The following STAG1 variants were observed in gnomAD, a reference collection of about 807,000 sequenced individuals.
STAG1 encodes the protein cohesin subunit SA-1.
Under a neutral mutation model 170.9 loss-of-function variants are expected in STAG1, and 26 were observed. The observed-to-expected ratio is 0.15, with a 90% CI of 0.11 to 0.21. The LOEUF (loss-of-function observed/expected upper bound fraction) is 0.21. Ranked by LOEUF, STAG1 falls within the 10% of genes least tolerant of loss-of-function variation. STAG1 has a pLI of 1.00. For synonymous variants in STAG1, 514 were observed against 497.7 expected (o/e 1.03, Z -0.44); for missense variants, 964 against 1,509.5 (o/e 0.64, Z 5.99).
chr3:136,476,947 A>C (rs1394093), intron 10 of STAG1, among the ~76,000 whole-genome samples: 1 of 151,950 alleles, frequency 6.6e-6, no homozygotes, highest in Non-Finnish European at 1.5e-5. Flanking sequence ...ATTTTTTTTA[A>C]AAAAAAGCTT....
At chr3:136,748,131 C>T (rs1273108173) in intron 1 of STAG1, among the ~76,000 whole-genome samples, 1 of 150,788 alleles carries the variant, frequency 6.6e-6, no homozygotes, top group African/African-American at 2.4e-5. Context: ...GTGGCTCATG[C>T]CTGTAATCCC....
chr3:136,634,339 C>CA (rs1272940073), intron 1 of STAG1, among the ~76,000 whole-genome samples: 1 of 151,446 alleles, frequency 6.6e-6, no homozygotes, highest in Non-Finnish European at 1.5e-5. Flanking sequence ...CCTGGGGTGA[C>CA]AGAGACCCTG....
At chr3:136,479,058 T>A (rs1224129652) in intron 9 of STAG1, among the ~76,000 whole-genome samples, 1 of 80,338 alleles carries the variant, frequency 1.2e-5, no homozygotes, top group Non-Finnish European at 2.3e-5. Context: ...ATTATAATCT[T>A]TCTTTTTTTT....
At chr3:136,646,611 G>A (rs1284130783) in intron 1 of STAG1, among the ~76,000 whole-genome samples, 5 of 152,102 alleles carry the variant, frequency 3.3e-5, no homozygotes, top group African/African-American at 1.2e-4. Flanking sequence ...AGCACTATAA[G>A]ATGACAGTAG....
chr3:136,396,735 C>A (rs1006208635), intron 22 of STAG1, among the ~76,000 whole-genome samples: 2 of 151,078 alleles, frequency 1.3e-5, no homozygotes, highest in African/African-American at 4.9e-5. Context: ...ACCATATTGG[C>A]CAGGCTGGTC....
intron 23 of STAG1, among the ~76,000 whole-genome samples, chr3:136,377,439 C>T (rs1376361398): frequency 1.5e-5 from 2 of 136,022 alleles, no homozygotes; most frequent in African/African-American, 5.5e-5. Flanking sequence ...CAGCTGATGA[C>T]AGTATACTTG....
chr3:136,473,960 G>T (rs552654982), intron 10 of STAG1, among the ~76,000 whole-genome samples: 31 of 152,290 alleles, frequency 2.0e-4, no homozygotes, highest in African/African-American at 7.0e-4. Context: ...GGAAAAGTAT[G>T]TTTATTTGTC....
At chr3:136,473,098 C>T (rs1203272547) in intron 11 of STAG1, among the ~76,000 whole-genome samples, 1 of 152,072 alleles carries the variant, frequency 6.6e-6, no homozygotes, top group Non-Finnish European at 1.5e-5. Flanking sequence ...AACATGAACC[C>T]TACTGTGAAC....
At position 136,521,327 on chromosome 3, in the gene STAG1, G is replaced by A; in HGVS notation, c.562C>T (p.Gln188Ter). 1 of 1,613,774 alleles carries A rather than the reference G, an allele frequency of 6.2e-7. No individual in the cohort carries two copies. The highest frequency in any genetic ancestry group is 8.5e-7 in the Non-Finnish European group (1 of 1,179,776). ...TCATAAATTATGCTATACTGACACT[G>A]TCGAATCAGGACTCCAATAAATTCA... The part of the protein sequence containing the change: ...FCEFIGVLIR[Q>*]CQYSIIYDEY... The change falls in exon 7 of 34, where the codon CAG (glutamine) becomes TAG (stop). Residue 188 changes from glutamine to a stop codon, truncating the protein, a stop_gained. Coordinates refer to ENST00000383202, the MANE Select transcript of STAG1 (RefSeq NM_005862.3). LOFTEE classifies it high-confidence loss of function.
intron 4 of STAG1, among the ~76,000 whole-genome samples, chr3:136,573,209 GAATT>G (rs1208184399): frequency 1.4e-5 from 2 of 147,908 alleles, no homozygotes; most frequent in Non-Finnish European, 3.0e-5. Context: ...AAAAAAAAAA[GAATT>G]AAACTTCAAG....
chr3:136,696,632 G>GT (rs2107903292), intron 1 of STAG1, among the ~76,000 whole-genome samples: 1 of 152,148 alleles, frequency 6.6e-6, no homozygotes, highest in South Asian at 2.1e-4. Flanking sequence ...GTGAAGAGGG[G>GT]TTTTTTGTGA....
At chr3:136,526,199 T>A (rs928305890) in intron 6 of STAG1, among the ~76,000 whole-genome samples, 3 of 152,330 alleles carry the variant, frequency 2.0e-5, no homozygotes, top group Non-Finnish European at 4.4e-5. Context: ...AGTGGGGTGT[T>A]AAAGCCTCTC....
At chr3:136,540,447 G>A (rs886835002) in intron 6 of STAG1, among the ~76,000 whole-genome samples, 5 of 151,930 alleles carry the variant, frequency 3.3e-5, no homozygotes, top group Admixed American at 1.3e-4. Context: ...CACTTGCAAC[G>A]TAACTCATTC....
chr3:136,459,172 G>A (rs1312179310), intron 13 of STAG1, among the ~76,000 whole-genome samples: 4 of 150,558 alleles, frequency 2.7e-5, no homozygotes, highest in African/African-American at 9.8e-5. Context: ...GAGCCAAGAT[G>A]GCGCCACTGC....
At chr3:136,541,477 T>C (rs529715023) in intron 6 of STAG1, among the ~76,000 whole-genome samples, 117 of 151,186 alleles carry the variant, frequency 7.7e-4, no homozygotes, top group Middle Eastern at 6.8e-3. Context: ...AAAGAAAACA[T>C]GTATTCTAAA....
chr3:136,406,429 T>G (rs2087485782), intron 21 of STAG1, among the ~76,000 whole-genome samples: 2 of 152,204 alleles, frequency 1.3e-5, no homozygotes, highest in Admixed American at 6.5e-5. Context: ...AAGGATAGCA[T>G]GAAGAAGTCT....
chr3:136,352,353 G>GT (rs1936465470), intron 28 of STAG1, among the ~76,000 whole-genome samples: 1 of 152,014 alleles, frequency 6.6e-6, no homozygotes, highest in African/African-American at 2.4e-5. Flanking sequence ...TAGAGACAGG[G>GT]TTTGCCATGT....
At chr3:136,540,211 A>G (rs926455839) in intron 6 of STAG1, among the ~76,000 whole-genome samples, 3 of 152,118 alleles carry the variant, frequency 2.0e-5, no homozygotes, top group Admixed American at 2.0e-4. Flanking sequence ...CAAAAGGAAT[A>G]ATATCTTCCT....
chr3:136,363,531 G>T, intron 25 of STAG1, 64 bp from the exon 26 acceptor site: 2 of 547,948 alleles, frequency 3.6e-6, no homozygotes, highest in Non-Finnish European at 6.1e-6. Context: ...TAAAGAATAG[G>T]TTGGTGTCAC....
Sources: allele counts gnomAD v4.1 joint callset (sites outside exome capture counted in the v4.1 genomes callset), GRCh38; gene constraint gnomAD v4.1.1; transcripts MANE v1.5; gene names NCBI Gene and HGNC (gene_info 2026-07-23, HGNC 2026-07-21).